The following LMAN2 variants were observed in gnomAD, a reference collection of about 807,000 sequenced individuals.
LMAN2 encodes vesicular integral-membrane protein VIP36.
LMAN2 carries 22 observed loss-of-function variants against 39.3 expected under a neutral mutation model. The ratio of observed to expected loss-of-function variants is 0.56; its 90% CI spans 0.40 to 0.80. LMAN2 has a LOEUF of 0.80. LMAN2 is among the 30% of genes least tolerant of loss of function. The probability of loss-of-function intolerance (pLI) is 0.00; values close to 1 mark genes in which losing one functional copy is unlikely to be tolerated. For missense variants in LMAN2, 494 were observed against 505.4 expected (o/e 0.98, Z 0.22); for synonymous variants, 207 against 207.8 (o/e 1.00, Z 0.03).
At chr5:177,334,454 A>T (rs1429411840) in intron 6 of LMAN2, 51 bp from the exon 7 acceptor site, 1 of 1,578,460 alleles carries the variant, frequency 6.3e-7, no homozygotes, top group African/African-American at 1.3e-5. Context: ...GCCGCAGGGC[A>T]CGTGGCCCAA....
intron 3 of LMAN2, among the ~76,000 whole-genome samples, chr5:177,338,027 G>A (rs1015945274): frequency 6.6e-6 from 1 of 152,066 alleles, no homozygotes; most frequent in Non-Finnish European, 1.5e-5. Context: ...TGAGGCAGAT[G>A]TCAGGTGTCA....
Position 177,334,280 on chromosome 5 carries a change from G to T in LMAN2, c.910+4C>A, listed in dbSNP as rs753591014. On this transcript the variant is annotated splice_donor_region_variant and intron_variant, in intron 7 of 7. Coordinates refer to ENST00000303127, the MANE Select transcript of LMAN2 (RefSeq NM_006816.3). ...CCAGGCAGGGCGGGGCTGTGCACAC[G>T]CACCTTTGGGCGACTTGAGGAAGTT... is the stretch of plus-strand genomic sequence containing the variant. 3.1e-6 allele frequency: 5 copies of T among 1,610,682 alleles called. No individual in the cohort carries two copies. The highest frequency in any genetic ancestry group is 4.2e-6 in the Non-Finnish European group (5 of 1,179,422).
chr5:177,336,330 C>T (rs1310866086), intron 6 of LMAN2, among the ~76,000 whole-genome samples: 2 of 152,154 alleles, frequency 1.3e-5, no homozygotes, highest in African/African-American at 4.8e-5. Flanking sequence ...CCAGAGGTGG[C>T]AGGGCTGGCA....
chr5:177,335,405 C>T (rs1011860643), intron 6 of LMAN2, among the ~76,000 whole-genome samples: 2 of 152,214 alleles, frequency 1.3e-5, no homozygotes, highest in Admixed American at 6.5e-5. Context: ...TGACATCACC[C>T]GTAAGGTGCC....
chr5:177,333,843 A>G (rs982089684), intron 7 of LMAN2, among the ~76,000 whole-genome samples: 1 of 133,204 alleles, frequency 7.5e-6, no homozygotes, highest in African/African-American at 3.0e-5. Flanking sequence ...CACCCCCTTG[A>G]CCAGCAGCAC....
At chr5:177,335,154 A>AG (rs1469245367) in intron 6 of LMAN2, among the ~76,000 whole-genome samples, 3 of 152,200 alleles carry the variant, frequency 2.0e-5, no homozygotes, top group Non-Finnish European at 2.9e-5. Flanking sequence ...TCTGGAGCCA[A>AG]GGGGGGACCT....
At chr5:177,341,968 G>A (rs969725034) in intron 2 of LMAN2, among the ~76,000 whole-genome samples, 6 of 152,060 alleles carry the variant, frequency 3.9e-5, no homozygotes, top group Non-Finnish European at 8.8e-5. Flanking sequence ...GCTAATAGAA[G>A]AGGAAAAATA....
chr5:177,340,027 A>G (rs1761528384), intron 2 of LMAN2, among the ~76,000 whole-genome samples: 1 of 152,198 alleles, frequency 6.6e-6, no homozygotes, highest in Non-Finnish European at 1.5e-5. Flanking sequence ...GCTAAGACTC[A>G]TATAATTGGG....
At chr5:177,344,281 C>CTTTTTTTTT (rs59101629) in intron 2 of LMAN2, among the ~76,000 whole-genome samples, 2 of 82,288 alleles carry the variant, frequency 2.4e-5, no homozygotes, top group East Asian at 2.7e-4. Flanking sequence ...CGCTTTGTTA[C>CTTTTTTTTT]TTTTTTTTTT....
At chr5:177,335,923 C>G (rs1441781168) in intron 6 of LMAN2, among the ~76,000 whole-genome samples, 2 of 152,204 alleles carry the variant, frequency 1.3e-5, no homozygotes, top group Non-Finnish European at 2.9e-5. Context: ...AAACCGAGAA[C>G]CACAGCCAAG....
At chr5:177,340,507 G>A (rs1561605277) in intron 2 of LMAN2, among the ~76,000 whole-genome samples, 1 of 152,176 alleles carries the variant, frequency 6.6e-6, no homozygotes, top group Non-Finnish European at 1.5e-5. Context: ...GCCGGGTGCA[G>A]TGGCTCACGC....
chr5:177,351,657 C>G lies in LMAN2; in HGVS notation c.-10G>C, dbSNP rs970559482. The stretch of plus-strand genomic sequence containing the variant: ...AGCCTTCCGCCGCCATTCTCCTCTC[C>G]TCTCGGCCACTTCCGCCCTAGAACT... On this transcript the variant is annotated 5_prime_UTR_variant, in exon 1 of 8. Coordinates refer to ENST00000303127, the MANE Select transcript of LMAN2 (RefSeq NM_006816.3). The G allele has an allele frequency of 6.4e-7, 1 of 1,568,650 alleles. No individual in the cohort carries two copies. Among genetic ancestry groups the G allele is most frequent in the East Asian group, 2.3e-5 (1 of 44,360 alleles).
chr5:177,338,681 C>T, intron 2 of LMAN2, 76 bp from the exon 3 acceptor site: 11 of 1,164,328 alleles, frequency 9.4e-6, no homozygotes, highest in Non-Finnish European at 1.3e-5. Flanking sequence ...CCAGCACGGC[C>T]CCTGCCCCAC....
In LMAN2 at chr5:177,334,335, T is replaced by C. The variant is rs76469644; in HGVS notation, c.859A>G (p.Ile287Val). The C allele has an allele frequency of 1.3e-3, 2,133 of 1,613,524 alleles. 33 individuals carry two copies. The East Asian group carries it at 0.038, about 29-fold the overall frequency. ...MVEHTPDEES[I>V]DWTKIEPSVN... is the part of the protein sequence containing the mutation. ...CTGGGCTCGATCTTGGTCCAGTCGATGCTCTCCTCGTCGGGCGTGTGCTCC... is the reference window on the plus strand; with the variant it reads ...CTGGGCTCGATCTTGGTCCAGTCGACGCTCTCCTCGTCGGGCGTGTGCTCC... Residue 287 changes from isoleucine (I) to valine (V), a missense_variant, in exon 7 of 8, where the codon ATC becomes GTC. Physicochemically the swap from Ile to Val is conservative, Grantham distance 29. Transcript: ENST00000303127.
intron 6 of LMAN2, among the ~76,000 whole-genome samples, chr5:177,335,997 G>C (rs1030503675): frequency 6.6e-6 from 1 of 152,232 alleles, no homozygotes; most frequent in African/African-American, 2.4e-5. Context: ...TGCTCGCTGA[G>C]CACCTGCCCT....
At position 177,351,499 on chromosome 5, in the gene LMAN2, T is replaced by C; in HGVS notation, c.149A>G (p.Asn50Ser). Residue 50 changes from asparagine to serine, a missense_variant, in exon 1 of 8, where the codon AAC becomes AGC. Transcript: ENST00000303127. ...ATGCTCCCGCTTGAGATGTTCACTG[T>C]TGCCGTCAGTTATATCCGCAGTCAC... The part of the protein sequence containing the change: ...GSVTADITDG[N>S]SEHLKREHSL... 6.2e-7 allele frequency: 1 copy of C among 1,614,230 alleles called. No homozygotes were observed. The highest frequency in any genetic ancestry group is 2.2e-5 in the East Asian group (1 of 44,886).
intron 6 of LMAN2, among the ~76,000 whole-genome samples, chr5:177,335,363 C>G (rs998835667): frequency 6.6e-6 from 1 of 152,184 alleles, no homozygotes; most frequent in African/African-American, 2.4e-5. Context: ...AAAAAGGGAA[C>G]GAGATGGCCA....
In LMAN2 at chr5:177,351,460, G is replaced by A. The variant is rs751188684; in HGVS notation, c.188C>T (p.Pro63Leu). The A allele has an allele frequency of 3.1e-6, 5 of 1,613,246 alleles. No homozygotes were observed. Among genetic ancestry groups the A allele is most frequent in the Admixed American group, 3.3e-5 (2 of 59,884 alleles). Residue 63 changes from proline to leucine, a missense_variant, in exon 1 of 8, where the codon CCC becomes CTC. By Grantham distance (98) the Pro-to-Leu change is moderately conservative. Transcript: ENST00000303127. Reference sequence around the variant, plus strand: ...CGCCCCAAGGGCTTCACCTTGGTAGGGCTTAATGAGCGAATGCTCCCGCTT... The same window carrying A: ...CGCCCCAAGGGCTTCACCTTGGTAGAGCTTAATGAGCGAATGCTCCCGCTT... ...HLKREHSLIK[P>L]YQGVGSSSMP...
intron 2 of LMAN2, among the ~76,000 whole-genome samples, chr5:177,348,560 C>A (rs984007936): frequency 6.6e-6 from 1 of 151,826 alleles, no homozygotes; most frequent in Non-Finnish European, 1.5e-5. Flanking sequence ...TGGCAGTGCG[C>A]GCCTGTAATC....
Sources: gnomAD v4.1 joint callset for allele counts (sites outside exome capture counted in the v4.1 genomes callset) on GRCh38, gnomAD v4.1.1 for gene constraint, MANE v1.5 for transcripts, NCBI Gene and HGNC (gene_info 2026-07-23, HGNC 2026-07-21) for gene names.